PKNOX2: variants seen among roughly 807,000 people sequenced by gnomAD.
The protein encoded by PKNOX2 is homeobox protein PKNOX2.
In PKNOX2, 14 loss-of-function variants were observed where a neutral mutation model predicts 53.1. The observed-to-expected ratio is 0.26, with a 90% confidence interval of 0.17 to 0.41. The LOEUF is 0.41. Ranked by LOEUF, PKNOX2 falls within the 10% of genes least tolerant of loss-of-function variation. The pLI, the probability that PKNOX2 is intolerant of heterozygous loss-of-function variation, is 1.00. For missense variants in PKNOX2, 496 were observed against 602.8 expected (o/e 0.82, Z 1.85); for synonymous variants, 257 against 242.8 (o/e 1.06, Z -0.54).
chr11:125,172,839 G>T (rs1458870428), intron 1 of PKNOX2, among the ~76,000 whole-genome samples: 2 of 152,178 alleles, frequency 1.3e-5, no homozygotes, highest in African/African-American at 4.8e-5. Context: ...GGACAGTGGG[G>T]GCCTAGGGGT....
intron 2 of PKNOX2, among the ~76,000 whole-genome samples, chr11:125,315,691 G>A (rs976466585): frequency 6.6e-6 from 1 of 152,204 alleles, no homozygotes; most frequent in African/African-American, 2.4e-5. Flanking sequence ...CTTCAGATGA[G>A]CCAGCCTGGG....
intron 4 of PKNOX2, among the ~76,000 whole-genome samples, chr11:125,353,908 G>C (rs1039611780): frequency 6.6e-6 from 1 of 152,110 alleles, no homozygotes; most frequent in African/African-American, 2.4e-5. Context: ...TAAGGGAAAG[G>C]AGCTAGGGCA....
At chr11:125,213,193 T>G (rs565313157) in intron 1 of PKNOX2, among the ~76,000 whole-genome samples, 1 of 152,190 alleles carries the variant, frequency 6.6e-6, no homozygotes, top group African/African-American at 2.4e-5. Flanking sequence ...TCCCTTTGTG[T>G]CTAAGCCCCA....
chr11:125,233,621 C>A (rs960092800), intron 1 of PKNOX2, among the ~76,000 whole-genome samples: 2 of 152,182 alleles, frequency 1.3e-5, no homozygotes, highest in African/African-American at 2.4e-5. Context: ...CTCTGAGGCA[C>A]CTCCATGAGC....
intron 7 of PKNOX2, among the ~76,000 whole-genome samples, chr11:125,404,081 A>C (rs1481161928): frequency 1.3e-5 from 2 of 152,072 alleles, no homozygotes; most frequent in African/African-American, 4.8e-5. Context: ...AAGCATCCTG[A>C]GGACAGGACC....
chr11:125,315,748 A>G (rs1949143796), intron 2 of PKNOX2, among the ~76,000 whole-genome samples: 1 of 152,088 alleles, frequency 6.6e-6, no homozygotes, highest in Non-Finnish European at 1.5e-5. Context: ...GAAAAGCCTT[A>G]GTGTTTGGCT....
intron 2 of PKNOX2, among the ~76,000 whole-genome samples, chr11:125,267,730 ATGTGTTGTGCATGTGTGCG>A (rs1945469996): frequency 1.3e-5 from 2 of 151,608 alleles, no homozygotes; most frequent in African/African-American, 4.9e-5. Flanking sequence ...GTGTGTGTGC[ATGTGTTGTGCATGTGTGCG>A]CGTGTGTGTG....
chr11:125,373,606 C>T (rs1952670411), intron 5 of PKNOX2, among the ~76,000 whole-genome samples: 1 of 152,228 alleles, frequency 6.6e-6, no homozygotes, highest in Non-Finnish European at 1.5e-5. Context: ...TGGTGTCAGG[C>T]AGGAGCTTGT....
At chr11:125,424,247 A>G (rs1956301496) in intron 10 of PKNOX2, among the ~76,000 whole-genome samples, 1 of 152,148 alleles carries the variant, frequency 6.6e-6, no homozygotes, top group African/African-American at 2.4e-5. Context: ...CAGGGATAAA[A>G]ATGAGAGCAA....
At chr11:125,320,703 A>G (rs983647162) in intron 2 of PKNOX2, among the ~76,000 whole-genome samples, 2 of 152,146 alleles carry the variant, frequency 1.3e-5, no homozygotes, top group Non-Finnish European at 2.9e-5. Flanking sequence ...CTTTCACCTC[A>G]ACAAATATGA....
chr11:125,222,307 T>G (rs1031274818), intron 1 of PKNOX2, among the ~76,000 whole-genome samples: 3 of 152,102 alleles, frequency 2.0e-5, no homozygotes, highest in African/African-American at 7.2e-5. Context: ...TCAACCTTTC[T>G]CTGAGGTGCA....
At chr11:125,217,087 ACACT>A (rs1418597783) in intron 1 of PKNOX2, among the ~76,000 whole-genome samples, 4 of 152,204 alleles carry the variant, frequency 2.6e-5, no homozygotes, top group South Asian at 2.1e-4. Flanking sequence ...ACACAGAGTC[ACACT>A]CACACACATG....
intron 1 of PKNOX2, chr11:125,190,014 C>T (rs1181244018): frequency 2.0e-5 from 3 of 152,108 alleles, no homozygotes; most frequent in Non-Finnish European, 2.9e-5. Context: ...CAACCTCCGC[C>T]TCCTGGGTTC....
In PKNOX2 at chr11:125,431,416, T is replaced by G; in HGVS notation, c.*24T>G. ...AGTCGGGCAGCCCAGATGGCACTGATCACTGAGCAGGAGAGGAGTGTCGCC... is the reference window on the plus strand; with the variant it reads ...AGTCGGGCAGCCCAGATGGCACTGAGCACTGAGCAGGAGAGGAGTGTCGCC... On this transcript the variant is annotated 3_prime_UTR_variant, in exon 13 of 13. Coordinates refer to ENST00000298282, the MANE Select transcript of PKNOX2 (RefSeq NM_001382323.2). The G allele has an allele frequency of 3.8e-6, 5 of 1,314,734 alleles. No homozygotes were observed. Among genetic ancestry groups the G allele is most frequent in the Non-Finnish European group, 5.0e-6 (5 of 1,002,108 alleles). 81.4% of individuals were successfully genotyped at this position (1,314,734 alleles called of 1,614,324 possible).
rs1449021121 is a variant in PKNOX2 at position 125,165,146 on chromosome 11, C to T, written c.-201+370C>T. 6.8e-6 allele frequency among the ~76,000 whole-genome samples: 1 copy of T among 147,782 alleles called. No individual in the cohort carries two copies. Among genetic ancestry groups the T allele is most frequent in the African/African-American group, 2.4e-5 (1 of 40,922 alleles). ...CTCCCCTGCCCGGCCAGCGCTCAGC[C>T]CCGCCGCCGCCGCCGCCGCCGCCTC... is the stretch of plus-strand genomic sequence containing the variant. On this transcript the variant is annotated intron_variant, in intron 1 of 12. Coordinates refer to ENST00000298282, the MANE Select transcript of PKNOX2 (RefSeq NM_001382323.2). This position sits in a 1 kb window ranked among gnomAD's most constrained non-coding sequence, Gnocchi z 4.5.
In PKNOX2 at chr11:125,375,951, C is replaced by T. The variant is rs921672814; in HGVS notation, c.227+7966C>T. ...ACTTCTCTTTTCACTGCCAGAGTCA[C>T]CTCGCCTTGTTCTGAAGGGGCTGGA... On this transcript the variant is annotated intron_variant, in intron 5 of 12. Coordinates refer to ENST00000298282, the MANE Select transcript of PKNOX2 (RefSeq NM_001382323.2). 1.3e-5 allele frequency among the ~76,000 whole-genome samples: 2 copies of T among 152,326 alleles called. 1 individual carries two copies. Among genetic ancestry groups the T allele is most frequent in the Admixed American group, 1.3e-4 (2 of 15,306 alleles).
chr11:125,236,527 C>T (rs902799349), intron 2 of PKNOX2, among the ~76,000 whole-genome samples: 1 of 152,100 alleles, frequency 6.6e-6, no homozygotes, highest in African/African-American at 2.4e-5. Flanking sequence ...GAGCTGAGAG[C>T]GTGGGGGGAA....
chr11:125,352,988 A>G lies in PKNOX2; in HGVS notation c.87+1596A>G, dbSNP rs1017612422. ...GATGGGAACCTTTTGCCTCCCAAGA[A>G]AGAAGTGAGAGAAGAAGCTAGGGGC... On this transcript the variant is annotated intron_variant, in intron 4 of 12. Transcript: ENST00000298282. This position sits in a 1 kb window ranked among gnomAD's most constrained non-coding sequence, Gnocchi z 4.1. Among the ~76,000 whole-genome samples the G allele has an allele frequency of 6.6e-6, 1 of 152,140 alleles. No individual in the cohort carries two copies. Among genetic ancestry groups the G allele is most frequent in the Non-Finnish European group, 1.5e-5 (1 of 68,018 alleles).
chr11:125,208,256 G>T (rs1351247463), intron 1 of PKNOX2, among the ~76,000 whole-genome samples: 2 of 152,032 alleles, frequency 1.3e-5, no homozygotes, highest in African/African-American at 4.8e-5. Flanking sequence ...GCATAGTCAT[G>T]GGACCTGAAA....
Sources: gnomAD v4.1 joint callset for allele counts (sites outside exome capture counted in the v4.1 genomes callset) on GRCh38, gnomAD v4.1.1 for gene constraint, Gnocchi (gnomAD v3.1) non-coding constraint, MANE v1.5 for transcripts, NCBI Gene and HGNC (gene_info 2026-07-23, HGNC 2026-07-21) for gene names.